LRRFIP2: variants seen among roughly 807,000 people sequenced by gnomAD.
LRRFIP2 encodes LRR binding FLII interacting protein 2.
Under a neutral mutation model 125.9 loss-of-function variants are expected in LRRFIP2, and 109 were observed. The ratio of observed to expected loss-of-function variants is 0.87; its 90% confidence interval spans 0.74 to 1.01. The LOEUF (loss-of-function observed/expected upper bound fraction) is 1.01. LRRFIP2 is among the 50% of genes least tolerant of loss of function. The probability of loss-of-function intolerance (pLI) is 0.00; values close to 1 mark genes in which losing one functional copy is unlikely to be tolerated. For missense variants in LRRFIP2, 850 were observed against 862.3 expected, an observed-to-expected ratio of 0.99 and a Z score of 0.18; for synonymous variants, 291 against 293.1, an observed-to-expected ratio of 0.99 and a Z score of 0.07.
chr3:37,065,768 G>A, intron 23 of LRRFIP2, 42 bp downstream of exon 23: 1 of 1,613,676 alleles, frequency 6.2e-7, no homozygotes, highest in Non-Finnish European at 8.5e-7. Flanking sequence ...AAACCCAATA[G>A]GGTAACATTA....
chr3:37,125,739 T>C (rs1467204480), intron 4 of LRRFIP2, among the ~76,000 whole-genome samples: 1 of 152,096 alleles, frequency 6.6e-6, no homozygotes, highest in Non-Finnish European at 1.5e-5. Context: ...TTAGGGGAAA[T>C]TACAAATATA....
At chr3:37,159,985 TGC>T (rs1257931917) in intron 1 of LRRFIP2, among the ~76,000 whole-genome samples, 1,061 of 83,784 alleles carry the variant, frequency 0.013, 18 homozygotes, top group African/African-American at 0.052. Flanking sequence ...GTAAGCCCTA[TGC>T]GCAAAAAAAA....
intron 18 of LRRFIP2, 49 bp downstream of exon 18, chr3:37,091,418 A>G (rs770528729): frequency 5.4e-6 from 8 of 1,482,064 alleles, no homozygotes; most frequent in Non-Finnish European, 7.3e-6. Flanking sequence ...ACCATTGCCA[A>G]CACTTCTGCA....
At chr3:37,100,920 C>T (rs1370579454) in intron 15 of LRRFIP2, among the ~76,000 whole-genome samples, 1 of 152,078 alleles carries the variant, frequency 6.6e-6, no homozygotes, top group East Asian at 1.9e-4. Flanking sequence ...ATTTGAGAAC[C>T]AATGATCTGG....
chr3:37,173,194 C>T (rs4678944), intron 1 of LRRFIP2, among the ~76,000 whole-genome samples: 67,448 of 150,756 alleles, frequency 0.45, 15,732 homozygotes, highest in Non-Finnish European at 0.49. Context: ...CGAGACTCCA[C>T]CTAAAAAAAA....
At chr3:37,072,657 C>A (rs1047802184) in intron 21 of LRRFIP2, 133 bp downstream of exon 21, 18 of 514,600 alleles carry the variant, frequency 3.5e-5, no homozygotes, top group Non-Finnish European at 6.2e-5. Flanking sequence ...TCTCTGTCTC[C>A]TACTGACTCA....
chr3:37,114,370 T>C (rs975504191), intron 7 of LRRFIP2, among the ~76,000 whole-genome samples: 1 of 152,184 alleles, frequency 6.6e-6, no homozygotes, highest in African/African-American at 2.4e-5. Flanking sequence ...CTGCCAGCTT[T>C]GTGACATATG....
In LRRFIP2 at chr3:37,150,191, G is replaced by A. The variant is rs185749642; in HGVS notation, c.-55-1153C>T. ...TGATTAAGAATATATCGCCAGGCGC[G>A]GTGGCTCACGCCTGTAATCCCAGCA... On this transcript the variant is annotated intron_variant, in intron 1 of 27. Transcript: ENST00000336686. Among the ~76,000 whole-genome samples, 425 of 152,238 alleles carry A rather than the reference G, an allele frequency of 2.8e-3. 2 individuals are homozygous for A. Among genetic ancestry groups the A allele is most frequent in the African/African-American group, 9.5e-3 (396 of 41,538 alleles).
At chr3:37,076,609 G>C (rs1476738280) in intron 19 of LRRFIP2, among the ~76,000 whole-genome samples, 1 of 152,156 alleles carries the variant, frequency 6.6e-6, no homozygotes, top group Non-Finnish European at 1.5e-5. Context: ...GCTCACGCCT[G>C]TAATCCCAGC....
chr3:37,103,050 TAAGAAAAAAGA>T, intron 14 of LRRFIP2, 37 bp from the exon 15 acceptor site: 2 of 1,462,120 alleles, frequency 1.4e-6, no homozygotes, highest in Non-Finnish European at 1.8e-6. Flanking sequence ...CTTTCAAGGT[TAAGAAAAAAGA>T]AAGAAAAAAA....
intron 4 of LRRFIP2, among the ~76,000 whole-genome samples, chr3:37,124,276 T>C (rs2095186272): frequency 6.6e-6 from 1 of 152,224 alleles, no homozygotes; most frequent in Non-Finnish European, 1.5e-5. Flanking sequence ...GCTACCATAC[T>C]TGACAGCACT....
At chr3:37,105,581 A>C in intron 13 of LRRFIP2, 58 bp from the exon 14 acceptor site, 25 of 1,265,414 alleles carry the variant, frequency 2.0e-5, no homozygotes, top group Non-Finnish European at 2.4e-5. Context: ...GTGTTACCTC[A>C]TTATAAGTAC....
intron 19 of LRRFIP2, among the ~76,000 whole-genome samples, chr3:37,077,625 A>T (rs542527377): frequency 8.9e-4 from 136 of 152,340 alleles, no homozygotes; most frequent in Non-Finnish European, 9.3e-4. Flanking sequence ...AGAGACAGGG[A>T]TAGAAGATTA....
At chr3:37,159,989 CAAAAAAAAAAAAA>C (rs58005486) in intron 1 of LRRFIP2, among the ~76,000 whole-genome samples, 6 of 46,940 alleles carry the variant, frequency 1.3e-4, no homozygotes, top group Non-Finnish European at 1.5e-4. Flanking sequence ...GCCCTATGCG[CAAAAAAAAAAAAA>C]AAAAAAAAAA....
chr3:37,164,554 T>C (rs1025691298), intron 1 of LRRFIP2, among the ~76,000 whole-genome samples: 1 of 151,884 alleles, frequency 6.6e-6, no homozygotes, highest in Admixed American at 6.6e-5. Flanking sequence ...CCATCTCTAC[T>C]AAAAATACAA....
intron 1 of LRRFIP2, among the ~76,000 whole-genome samples, chr3:37,166,077 T>C (rs1397792946): frequency 6.6e-6 from 1 of 152,012 alleles, no homozygotes; most frequent in East Asian, 1.9e-4. Context: ...GTGGCTCACA[T>C]CTGGAATCCC....
intron 9 of LRRFIP2, 47 bp downstream of exon 9, chr3:37,110,944 T>G: frequency 1.9e-6 from 3 of 1,551,126 alleles, no homozygotes; most frequent in Non-Finnish European, 2.7e-6. Flanking sequence ...ATTAGAAATA[T>G]GTTAAAAGTG....
At chr3:37,134,274 A>G (rs2095502470) in intron 2 of LRRFIP2, among the ~76,000 whole-genome samples, 1 of 152,198 alleles carries the variant, frequency 6.6e-6, no homozygotes, top group Non-Finnish European at 1.5e-5. Context: ...AGAACTTTTA[A>G]ATTTGTAGAA....
intron 3 of LRRFIP2, among the ~76,000 whole-genome samples, chr3:37,128,048 C>CT (rs1249045678): frequency 6.6e-6 from 1 of 152,122 alleles, no homozygotes; most frequent in Non-Finnish European, 1.5e-5. Flanking sequence ...AGCTTATCCA[C>CT]TTATTATTAT....
Sources: gnomAD v4.1 joint callset for allele counts (sites outside exome capture counted in the v4.1 genomes callset) on GRCh38, gnomAD v4.1.1 for gene constraint, MANE v1.5 for transcripts, NCBI Gene and HGNC (gene_info 2026-07-23, HGNC 2026-07-21) for gene names.